Variants in CAMK4 observed in about 807,000 individuals in gnomAD.
CAMK4 encodes calcium/calmodulin-dependent protein kinase type IV.
A neutral mutation model predicts 44.9 loss-of-function variants in CAMK4; 22 were observed. The ratio of observed to expected loss-of-function variants is 0.49; its 90% CI spans 0.35 to 0.70. The LOEUF (loss-of-function observed/expected upper bound fraction) is 0.70. CAMK4 is among the 30% of genes least tolerant of loss of function. The probability of loss-of-function intolerance (pLI) is 0.01; values close to 1 mark genes in which losing one functional copy is unlikely to be tolerated. For missense variants in CAMK4, 498 were observed against 586.8 expected (o/e 0.85, Z 1.56); for synonymous variants, 218 against 215.4 (o/e 1.01, Z -0.11).
At chr5:111,310,098 G>A (rs1748134131) in intron 1 of CAMK4, among the ~76,000 whole-genome samples, 1 of 152,038 alleles carries the variant, frequency 6.6e-6, no homozygotes, top group African/African-American at 2.4e-5. Context: ...ATTTACCTAG[G>A]CTAACAAGGC....
intron 9 of CAMK4, among the ~76,000 whole-genome samples, chr5:111,480,290 C>CACACACACACACACACACACACACA (rs1755392580): frequency 2.8e-5 from 1 of 35,740 alleles, no homozygotes; most frequent in African/African-American, 1.2e-4. Flanking sequence ...ACACACACAC[C>CACACACACACACACACACACACACA]CCTGGGTAAC....
At chr5:111,458,405 G>C (rs1409301231) in intron 7 of CAMK4, among the ~76,000 whole-genome samples, 1 of 152,176 alleles carries the variant, frequency 6.6e-6, no homozygotes, top group East Asian at 1.9e-4. Flanking sequence ...GTACTGCCCT[G>C]AACAAAGCGG....
chr5:111,229,078 G>A (rs764630540), intron 1 of CAMK4, among the ~76,000 whole-genome samples: 7 of 152,226 alleles, frequency 4.6e-5, no homozygotes, highest in Admixed American at 6.5e-5. Flanking sequence ...ACACGAAAGC[G>A]TGCATTTTCT....
At chr5:111,275,829 C>T (rs974078452) in intron 1 of CAMK4, among the ~76,000 whole-genome samples, 4 of 151,696 alleles carry the variant, frequency 2.6e-5, no homozygotes, top group African/African-American at 9.7e-5. Flanking sequence ...GATAGATATC[C>T]CAATTACCCT....
intron 1 of CAMK4, among the ~76,000 whole-genome samples, chr5:111,273,698 T>TAC (rs1197609830): frequency 1.8e-5 from 1 of 54,694 alleles, no homozygotes; most frequent in Non-Finnish European, 3.1e-5. Context: ...TATATATATA[T>TAC]ATATATATAT....
At chr5:111,242,567 C>A (rs2112521730) in intron 1 of CAMK4, among the ~76,000 whole-genome samples, 1 of 152,106 alleles carries the variant, frequency 6.6e-6, no homozygotes, top group African/African-American at 2.4e-5. Context: ...GTAAGATGAC[C>A]TTTCTAAGGC....
chr5:111,323,914 T>C (rs1420956737), intron 1 of CAMK4, among the ~76,000 whole-genome samples: 1 of 151,982 alleles, frequency 6.6e-6, no homozygotes, highest in Admixed American at 6.6e-5. Flanking sequence ...TAAAGCAAAA[T>C]CAAGTCCCTG....
intron 5 of CAMK4, among the ~76,000 whole-genome samples, chr5:111,417,481 G>A (rs1752856334): frequency 6.6e-6 from 1 of 151,824 alleles, no homozygotes; most frequent in Admixed American, 6.6e-5. Flanking sequence ...CTCCCAAAGT[G>A]CTGGGATTAC....
rs754899839 is a variant in CAMK4, at chr5:111,376,934, G to A, written c.378G>A (p.Leu126=). ...LVLELVTGGE[L]FDRIVEKGYY... The stretch of plus-strand genomic sequence containing the variant: ...TAGAACTCGTCACAGGAGGAGAACT[G>A]TTTGATAGGTGAGTTGGTTCTGGAA... The change falls in exon 4 of 11, where the codon CTG becomes CTA. Residue 126 remains leucine (L), a synonymous_variant. Coordinates refer to ENST00000282356, the MANE Select transcript of CAMK4 (RefSeq NM_001744.6). 1.2e-5 allele frequency: 19 copies of A among 1,592,930 alleles called. No homozygotes were observed. In the South Asian group the frequency reaches 1.9e-4, roughly 16 times the overall value.
At chr5:111,432,049 CA>C (rs1580744903) in intron 5 of CAMK4, among the ~76,000 whole-genome samples, 1 of 152,166 alleles carries the variant, frequency 6.6e-6, no homozygotes, top group African/African-American at 2.4e-5. Context: ...GAGATATCTG[CA>C]CTCCCATGTT....
At chr5:111,410,723 C>CAA (rs1251461085) in intron 5 of CAMK4, among the ~76,000 whole-genome samples, 23 of 152,014 alleles carry the variant, frequency 1.5e-4, no homozygotes, top group African/African-American at 5.6e-4. Flanking sequence ...TTGGTAATGG[C>CAA]TAATTCAGGA....
chr5:111,287,998 A>G (rs914037813), intron 1 of CAMK4, among the ~76,000 whole-genome samples: 3 of 152,172 alleles, frequency 2.0e-5, no homozygotes, highest in African/African-American at 7.2e-5. Context: ...TACTTTTACC[A>G]CAAAGTGTGC....
Position 111,484,703 on chromosome 5 carries a change from T to G in CAMK4, c.*237T>G, listed in dbSNP as rs981606077. The G allele has an allele frequency of 1.1e-5, 4 of 353,688 alleles. No homozygotes were observed. Among genetic ancestry groups the G allele is most frequent in the African/African-American group, 6.3e-5 (3 of 47,730 alleles). The allele number at this position is 353,688 out of a possible 1,614,324, so 21.9% of individuals were successfully genotyped here. A position where few individuals can be genotyped will look rare whatever the true frequency, so the allele number is the denominator to read the frequency against. Reference sequence around the variant, plus strand: ...ATACCGATGAGTTAAATCTTGCAAGTTAACACAACGTAACACTTAAAAGCA... The same window carrying G: ...ATACCGATGAGTTAAATCTTGCAAGGTAACACAACGTAACACTTAAAAGCA... On this transcript the variant is annotated 3_prime_UTR_variant, in exon 11 of 11. Coordinates refer to ENST00000282356, the MANE Select transcript of CAMK4 (RefSeq NM_001744.6). The surrounding 1 kb of genome is among the most constrained non-coding windows in gnomAD (Gnocchi z 5.3).
intron 9 of CAMK4, among the ~76,000 whole-genome samples, chr5:111,480,064 TG>T (rs141482408): frequency 0.014 from 2,088 of 152,172 alleles, 45 homozygotes; most frequent in African/African-American, 0.048. Context: ...CTGCCTGGTC[TG>T]GGGCCTGCCA....
In CAMK4 at chr5:111,224,956, C is replaced by A. The variant is rs1053706837; in HGVS notation, c.161+312C>A. Among the ~76,000 whole-genome samples the A allele has an allele frequency of 6.6e-6, 1 of 151,588 alleles. No individual in the cohort carries two copies. Among genetic ancestry groups the A allele is most frequent in the African/African-American group, 2.4e-5 (1 of 41,350 alleles). On this transcript the variant is annotated intron_variant, in intron 1 of 10. Coordinates refer to ENST00000282356, the MANE Select transcript of CAMK4 (RefSeq NM_001744.6). The surrounding 1 kb of genome is among the most constrained non-coding windows in gnomAD (Gnocchi z 5.7). ...TGGGCCCTGCTTTCCCAATTGATAT[C>A]TTTGCTCACGATTATAGCTTGCCAG...
chr5:111,366,518 T>A (rs1399503302), intron 2 of CAMK4, among the ~76,000 whole-genome samples: 1 of 152,144 alleles, frequency 6.6e-6, no homozygotes, highest in Non-Finnish European at 1.5e-5. Flanking sequence ...CATTTGTAAT[T>A]ACCACAAAGC....
rs143339011 is a variant in CAMK4, at chr5:111,313,966, T to G, written c.162-30058T>G. ...AATAATTTGTATGGGTATATCGAAT[T>G]ATAGGAGTAGAATCTTCTTTGTAGT... On this transcript the variant is annotated intron_variant, in intron 1 of 10. Coordinates refer to ENST00000282356, the MANE Select transcript of CAMK4 (RefSeq NM_001744.6). 2.0e-5 allele frequency among the ~76,000 whole-genome samples: 3 copies of G among 152,228 alleles called. No individual in the cohort carries two copies. In the East Asian group the frequency reaches 5.8e-4, roughly 29 times the overall value.
At chr5:111,325,981 T>C (rs898496782) in intron 1 of CAMK4, among the ~76,000 whole-genome samples, 6 of 152,040 alleles carry the variant, frequency 3.9e-5, no homozygotes, top group African/African-American at 1.4e-4. Flanking sequence ...AAAGGAAAAT[T>C]TTAGCATTGA....
In CAMK4 at chr5:111,446,687, A is replaced by G. The variant is rs577692445; in HGVS notation, c.461A>G (p.Tyr154Cys). The change falls in exon 6 of 11, where the codon TAT becomes TGT. Residue 154 changes from tyrosine to cysteine, a missense_variant and splice_region_variant. By Grantham distance (194) the Tyr-to-Cys change is radical (BLOSUM62 -2). Coordinates refer to ENST00000282356, the MANE Select transcript of CAMK4 (RefSeq NM_001744.6). ...AVKQILEAVA[Y>C]LHENGIVHRD... ...TATTTCATTATTTTCCCTCTTTAGTATCTACATGAAAATGGGATTGTCCAT... is the reference window on the plus strand; with the variant it reads ...TATTTCATTATTTTCCCTCTTTAGTGTCTACATGAAAATGGGATTGTCCAT... The G allele has an allele frequency of 2.0e-6, 3 of 1,519,748 alleles. No homozygotes were observed. The highest frequency in any genetic ancestry group is 2.8e-5 in the African/African-American group (2 of 72,502). 94.1% of individuals were successfully genotyped at this position (1,519,748 alleles called of 1,614,324 possible). A position where few individuals can be genotyped will look rare whatever the true frequency, so the allele number is the denominator to read the frequency against.
Sources: allele counts gnomAD v4.1 joint callset (sites outside exome capture counted in the v4.1 genomes callset), GRCh38; gene constraint gnomAD v4.1.1; non-coding constraint Gnocchi (gnomAD v3.1); transcripts MANE v1.5; gene names NCBI Gene and HGNC (gene_info 2026-07-23, HGNC 2026-07-21).